Variants in BRINP2 observed in about 807,000 individuals in gnomAD.
BRINP2 encodes BMP/retinoic acid inducible neural specific 2, also known as BMP/retinoic acid-inducible neural-specific protein 2.
A neutral mutation model predicts 69.2 loss-of-function variants in BRINP2; 21 were observed. The ratio of observed to expected loss-of-function variants is 0.30; its 90% CI spans 0.22 to 0.44. The LOEUF (loss-of-function observed/expected upper bound fraction) is 0.44. Among genes scored for constraint, BRINP2 ranks in the 20% least tolerant of loss-of-function variants. BRINP2 has a pLI of 1.00. For synonymous variants in BRINP2, 380 were observed against 394.1 expected (o/e 0.96, Z 0.42); for missense variants, 877 against 986.0 (o/e 0.89, Z 1.48).
intron 1 of BRINP2, among the ~76,000 whole-genome samples, chr1:177,179,426 G>A (rs945451221): frequency 9.9e-5 from 15 of 152,108 alleles, no homozygotes; most frequent in Admixed American, 2.6e-4. Flanking sequence ...CTCAAGCCTG[G>A]GTGGCCTTGG....
chr1:177,245,258 T>A (rs1040818507), intron 2 of BRINP2, among the ~76,000 whole-genome samples: 4 of 151,962 alleles, frequency 2.6e-5, no homozygotes, highest in African/African-American at 9.7e-5. Flanking sequence ...TTGGTTTCCA[T>A]CTTTAAAAAG....
At chr1:177,244,215 T>C (rs1428170348) in intron 2 of BRINP2, among the ~76,000 whole-genome samples, 6 of 152,154 alleles carry the variant, frequency 3.9e-5, no homozygotes, top group Admixed American at 3.9e-4. Flanking sequence ...GATGATATGA[T>C]TATGGTTAGC....
rs1647920875 is a variant in BRINP2, at chr1:177,171,304, AG to A, written c.-501del. Among the ~76,000 whole-genome samples the A allele has an allele frequency of 6.6e-6, 1 of 152,286 alleles. No homozygotes were observed. Among genetic ancestry groups the A allele is most frequent in the East Asian group, 1.9e-4 (1 of 5,142 alleles). On this transcript the variant is annotated 5_prime_UTR_variant, in exon 1 of 8. Coordinates refer to ENST00000361539, the MANE Select transcript of BRINP2 (RefSeq NM_021165.4). ...TTGGGTTTCTCCTCGGCGGAGGGAC[AG>A]GGGACTCCCCCAGTTGGGTCTTGCA... is the stretch of plus-strand genomic sequence containing the variant.
At chr1:177,214,879 A>G (rs906513145) in intron 1 of BRINP2, among the ~76,000 whole-genome samples, 1 of 152,248 alleles carries the variant, frequency 6.6e-6, no homozygotes, top group African/African-American at 2.4e-5. Context: ...TAACCTGTCC[A>G]TAACCTCAAA....
intron 1 of BRINP2, among the ~76,000 whole-genome samples, chr1:177,191,029 A>C (rs186186656): frequency 1.8e-3 from 273 of 152,284 alleles, no homozygotes; most frequent in African/African-American, 6.3e-3. Context: ...CAACACATTC[A>C]TATTGCAAAG....
intron 1 of BRINP2, among the ~76,000 whole-genome samples, chr1:177,185,421 A>G (rs1226257944): frequency 6.6e-6 from 1 of 152,338 alleles, no homozygotes; most frequent in South Asian, 2.1e-4. Flanking sequence ...GGAACCACCT[A>G]CAGGAGGAGG....
intron 1 of BRINP2, among the ~76,000 whole-genome samples, chr1:177,181,363 C>A (rs1273595810): frequency 6.6e-6 from 1 of 152,198 alleles, no homozygotes; most frequent in South Asian, 2.1e-4. Context: ...TCGCGGGGAG[C>A]CCCAGCTCAG....
At chr1:177,188,132 T>C (rs1235351145) in intron 1 of BRINP2, among the ~76,000 whole-genome samples, 6 of 152,240 alleles carry the variant, frequency 3.9e-5, no homozygotes, top group East Asian at 1.9e-4. Context: ...CTGTTATTAT[T>C]GTTATCTTTC....
chr1:177,206,065 G>T (rs939571389), intron 1 of BRINP2, among the ~76,000 whole-genome samples: 1 of 152,186 alleles, frequency 6.6e-6, no homozygotes, highest in African/African-American at 2.4e-5. Context: ...GTGAGATGTT[G>T]TGAGAATACT....
intron 1 of BRINP2, among the ~76,000 whole-genome samples, chr1:177,207,228 A>G (rs1649092574): frequency 6.6e-6 from 1 of 152,184 alleles, no homozygotes; most frequent in Admixed American, 6.5e-5. Context: ...CTGCAAATAA[A>G]TCCTATAGAA....
At chr1:177,273,698 A>G in intron 5 of BRINP2, 105 bp downstream of exon 5, 1 of 652,016 alleles carries the variant, frequency 1.5e-6, no homozygotes, top group Non-Finnish European at 2.5e-6. Context: ...ATTTGATCAA[A>G]CCTTTCTTAA....
At chr1:177,226,780 A>G (rs1314563883) in intron 1 of BRINP2, among the ~76,000 whole-genome samples, 1 of 152,036 alleles carries the variant, frequency 6.6e-6, no homozygotes, top group African/African-American at 2.4e-5. Context: ...AGGTCATATG[A>G]CTGAGGTTCC....
chr1:177,277,004 A>C (rs1265984107), intron 6 of BRINP2, among the ~76,000 whole-genome samples: 2 of 152,206 alleles, frequency 1.3e-5, no homozygotes, highest in Admixed American at 6.5e-5. Flanking sequence ...ATAATAGTGA[A>C]TGGAAGGCTC....
intron 1 of BRINP2, among the ~76,000 whole-genome samples, chr1:177,193,811 G>T (rs1397423908): frequency 6.6e-6 from 1 of 152,156 alleles, no homozygotes; most frequent in African/African-American, 2.4e-5. Flanking sequence ...ATCACATGGT[G>T]AAACTGTGTT....
intron 2 of BRINP2, among the ~76,000 whole-genome samples, chr1:177,253,943 G>A (rs867491715): frequency 2.2e-4 from 33 of 152,220 alleles, no homozygotes; most frequent in African/African-American, 7.9e-4. Flanking sequence ...GATTTGGGAT[G>A]GGTGAAGAGG....
At chr1:177,211,787 T>C (rs185198768) in intron 1 of BRINP2, among the ~76,000 whole-genome samples, 6 of 152,296 alleles carry the variant, frequency 3.9e-5, no homozygotes, top group Non-Finnish European at 8.8e-5. Flanking sequence ...TTATTTTTTT[T>C]CTCTGTATAA....
At chr1:177,233,630 C>T (rs1353874135) in intron 2 of BRINP2, among the ~76,000 whole-genome samples, 4 of 152,132 alleles carry the variant, frequency 2.6e-5, no homozygotes, top group African/African-American at 4.8e-5. Context: ...TAACCTTTAC[C>T]CTTCAATTCA....
At position 177,281,741 on chromosome 1, in the gene BRINP2, G is replaced by C; in HGVS notation, c.*213G>C. ...GCATACACACACACACACACACACT[G>C]GCACAGGGAGGCTACAACTAAGCAG... On this transcript the variant is annotated 3_prime_UTR_variant, in exon 8 of 8. Transcript: ENST00000361539. The C allele has an allele frequency of 1.1e-5, 5 of 457,464 alleles. No homozygotes were observed. Among genetic ancestry groups the C allele is most frequent in the South Asian group, 5.2e-5 (1 of 19,082 alleles). 28.3% of individuals were successfully genotyped at this position (457,464 alleles called of 1,614,324 possible).
intron 4 of BRINP2, among the ~76,000 whole-genome samples, chr1:177,258,012 G>C (rs910535677): frequency 6.6e-6 from 1 of 152,196 alleles, no homozygotes; most frequent in South Asian, 2.1e-4. Context: ...CTGGAGCCAG[G>C]TTATGTGCCA....
Sources: gnomAD v4.1 joint callset for allele counts (sites outside exome capture counted in the v4.1 genomes callset) on GRCh38, gnomAD v4.1.1 for gene constraint, MANE v1.5 for transcripts, NCBI Gene and HGNC (gene_info 2026-07-23, HGNC 2026-07-21) for gene names.